Variants in PTPRM observed in about 807,000 individuals in gnomAD.
PTPRM encodes the protein receptor-type tyrosine-protein phosphatase mu.
PTPRM carries 47 observed loss-of-function variants against 186.7 expected under a neutral mutation model. That is an observed-to-expected ratio of 0.25 (90% CI 0.20 to 0.32). The LOEUF (loss-of-function observed/expected upper bound fraction) is 0.32. PTPRM is among the 10% of genes least tolerant of loss of function. PTPRM has a pLI of 1.00. For synonymous variants in PTPRM, 668 were observed against 674.9 expected (o/e 0.99, Z 0.16); for missense variants, 1,494 against 1,865.0 (o/e 0.80, Z 3.66).
chr18:8,244,480 G>A (rs12963007), intron 15 of PTPRM, among the ~76,000 whole-genome samples: 58,537 of 151,920 alleles, frequency 0.39, 12,185 homozygotes, highest in Middle Eastern at 0.53. Flanking sequence ...TCCTTCTTTT[G>A]AGGAAGAAGG....
intron 22 of PTPRM, among the ~76,000 whole-genome samples, chr18:8,331,955 G>T (rs1192938948): frequency 6.6e-6 from 1 of 152,246 alleles, no homozygotes. Flanking sequence ...CTTAAAGTCA[G>T]ATGACATGTG....
intron 26 of PTPRM, 182 bp from the exon 27 acceptor site, chr18:8,378,083 T>G (rs2095708061): frequency 5.0e-6 from 3 of 595,496 alleles, no homozygotes; most frequent in Non-Finnish European, 8.8e-6. Context: ...CCGATTGGTT[T>G]TAATCAATCT....
chr18:7,621,424 C>T (rs1463830414), intron 1 of PTPRM, among the ~76,000 whole-genome samples: 1 of 152,106 alleles, frequency 6.6e-6, no homozygotes, highest in African/African-American at 2.4e-5. Context: ...ACAGCTCCCA[C>T]AGAGTGGTGC....
chr18:8,315,266 T>A (rs908858088), intron 21 of PTPRM, among the ~76,000 whole-genome samples: 2 of 152,218 alleles, frequency 1.3e-5, no homozygotes, highest in African/African-American at 4.8e-5. Flanking sequence ...TGTTTGCATA[T>A]TAATGGGACA....
At chr18:8,025,943 CAGA>C (rs1220015917) in intron 7 of PTPRM, among the ~76,000 whole-genome samples, 1 of 152,152 alleles carries the variant, frequency 6.6e-6, no homozygotes, top group Admixed American at 6.5e-5. Flanking sequence ...CCAGGGAGAG[CAGA>C]AGGAGAAAGG....
chr18:8,350,575 A>G (rs1340546529), intron 23 of PTPRM, among the ~76,000 whole-genome samples: 2 of 152,160 alleles, frequency 1.3e-5, no homozygotes, highest in Admixed American at 6.5e-5. Context: ...CTTTTAGACA[A>G]CACCATCTTC....
intron 14 of PTPRM, among the ~76,000 whole-genome samples, chr18:8,178,448 C>G (rs1354410340): frequency 6.6e-6 from 1 of 152,098 alleles, no homozygotes; most frequent in African/African-American, 2.4e-5. Flanking sequence ...TTGCATAAAT[C>G]ACAGCAAGAA....
chr18:7,926,461 C>T, intron 4 of PTPRM, 107 bp from the exon 5 acceptor site: 1 of 598,390 alleles, frequency 1.7e-6, no homozygotes, highest in Non-Finnish European at 2.7e-6. Context: ...ATTTTTTTCC[C>T]AAGGTGAACA....
chr18:8,227,806 T>C lies in PTPRM; in HGVS notation c.2301-16252T>C, dbSNP rs374454064. On this transcript the variant is annotated intron_variant, in intron 14 of 32. Transcript: ENST00000580170. The stretch of plus-strand genomic sequence containing the variant: ...TTGAAACCATTAAATTTCCAGATAA[T>C]GTGCACATGTGGAATTCAGCAGCAT... Among the ~76,000 whole-genome samples the C allele has an allele frequency of 5.9e-5, 9 of 152,150 alleles. No homozygotes were observed. The East Asian group carries it at 1.3e-3, about 23-fold the overall frequency.
At chr18:8,327,014 A>C (rs1356512422) in intron 22 of PTPRM, among the ~76,000 whole-genome samples, 2 of 152,206 alleles carry the variant, frequency 1.3e-5, no homozygotes, top group African/African-American at 4.8e-5. Flanking sequence ...ATATGTTCAC[A>C]TTTCAAAATG....
chr18:8,359,103 C>CA (rs202022076), intron 23 of PTPRM, among the ~76,000 whole-genome samples: 45,749 of 151,570 alleles, frequency 0.3, 7,335 homozygotes, highest in African/African-American at 0.43. Context: ...TTTAAAAAGA[C>CA]AAAAAAAGCA....
At chr18:8,192,156 G>T (rs1254384572) in intron 14 of PTPRM, among the ~76,000 whole-genome samples, 1 of 152,022 alleles carries the variant, frequency 6.6e-6, no homozygotes, top group Non-Finnish European at 1.5e-5. Flanking sequence ...CAGATACTTT[G>T]TTTAAAAGTA....
intron 14 of PTPRM, among the ~76,000 whole-genome samples, chr18:8,152,986 G>T (rs1301836712): frequency 6.6e-6 from 1 of 152,070 alleles, no homozygotes; most frequent in Non-Finnish European, 1.5e-5. Context: ...AAAGTGCTAG[G>T]ATTACAGGCA....
intron 2 of PTPRM, among the ~76,000 whole-genome samples, chr18:7,830,595 T>C (rs2045710581): frequency 6.6e-6 from 1 of 152,150 alleles, no homozygotes; most frequent in Non-Finnish European, 1.5e-5. Context: ...ATGACTTACC[T>C]ATGTAGAGAT....
intron 22 of PTPRM, among the ~76,000 whole-genome samples, chr18:8,325,983 G>C (rs562248796): frequency 6.6e-6 from 1 of 152,148 alleles, no homozygotes; most frequent in Non-Finnish European, 1.5e-5. Flanking sequence ...CTTTTCAAGT[G>C]TATCTGTTCC....
chr18:8,164,128 A>G (rs533203458), intron 14 of PTPRM, among the ~76,000 whole-genome samples: 141 of 152,338 alleles, frequency 9.3e-4, no homozygotes, highest in Non-Finnish European at 1.3e-3. Context: ...AGATTCTAAA[A>G]TGTTGTTTAG....
chr18:8,184,559 A>T (rs1468798483), intron 14 of PTPRM, among the ~76,000 whole-genome samples: 1 of 152,162 alleles, frequency 6.6e-6, no homozygotes, highest in Non-Finnish European at 1.5e-5. Context: ...TGAAACATAG[A>T]TGTAATGCTA....
intron 7 of PTPRM, among the ~76,000 whole-genome samples, chr18:7,984,572 C>CATAT (rs71354583): frequency 0.011 from 991 of 88,432 alleles, 11 homozygotes; most frequent in African/African-American, 0.027. Flanking sequence ...ATATATGCCC[C>CATAT]ATATATATAT....
At chr18:8,296,989 G>A (rs1038299633) in intron 20 of PTPRM, among the ~76,000 whole-genome samples, 9 of 152,170 alleles carry the variant, frequency 5.9e-5, no homozygotes, top group African/African-American at 2.2e-4. Context: ...GACATTCCCA[G>A]TGCCTGTGAA....
Sources: allele counts gnomAD v4.1 joint callset (sites outside exome capture counted in the v4.1 genomes callset), GRCh38; gene constraint gnomAD v4.1.1; transcripts MANE v1.5; gene names NCBI Gene and HGNC (gene_info 2026-07-23, HGNC 2026-07-21).